Variants in NCOA2 observed in about 807,000 individuals in gnomAD.
NCOA2 encodes class E basic helix-loop-helix protein 75.
In NCOA2, 21 loss-of-function variants were observed where a neutral mutation model predicts 145.1. The ratio of observed to expected loss-of-function variants is 0.14; its 90% CI spans 0.10 to 0.21. The LOEUF (loss-of-function observed/expected upper bound fraction) is 0.21, where lower values mean the gene tolerates loss of function less well. NCOA2 is among the 10% of genes least tolerant of loss of function. The pLI, the probability that NCOA2 is intolerant of heterozygous loss-of-function variation, is 1.00. For missense variants in NCOA2, 1,472 were observed against 1,837.6 expected, an observed-to-expected ratio of 0.80 and a Z score of 3.64; for synonymous variants, 619 against 637.5, an observed-to-expected ratio of 0.97 and a Z score of 0.44.
intron 4 of NCOA2, among the ~76,000 whole-genome samples, chr8:70,199,113 GA>G (rs535950308): frequency 1.3e-5 from 2 of 151,884 alleles, no homozygotes; most frequent in African/African-American, 4.8e-5. Flanking sequence ...TTTAGATGAG[GA>G]AAAAAAGCCA....
At chr8:70,378,906 C>A (rs754909203) in intron 1 of NCOA2, among the ~76,000 whole-genome samples, 1 of 152,094 alleles carries the variant, frequency 6.6e-6, no homozygotes, top group Non-Finnish European at 1.5e-5. Flanking sequence ...AGCAACAGAA[C>A]CAAATCGCAG....
the NCOA2 span, among the ~76,000 whole-genome samples, chr8:70,434,590 A>T: frequency 6.6e-6 from 1 of 152,072 alleles, no homozygotes; most frequent in Non-Finnish European, 1.5e-5. Context: ...TTTTTTGGAA[A>T]CAGGGTCTTG....
At position 70,207,217 on chromosome 8, in the gene NCOA2, T is replaced by A. The variant is rs143586092; in HGVS notation, c.259+6686A>T. Among the ~76,000 whole-genome samples, 21 of 152,360 alleles carry A rather than the reference T, an allele frequency of 1.4e-4. No homozygotes were observed. In the East Asian group the frequency reaches 4.0e-3, roughly 29 times the overall value. The stretch of plus-strand genomic sequence containing the variant: ...TTAGTGTCATACATTAATGACAGAA[T>A]TAATTTCTTTTCATACAAGTACAAG... On this transcript the variant is annotated intron_variant, in intron 4 of 22. Transcript: ENST00000452400.
At chr8:70,207,884 A>AAAG (rs1197268154) in intron 4 of NCOA2, among the ~76,000 whole-genome samples, 3,042 of 143,390 alleles carry the variant, frequency 0.021, 87 homozygotes, top group East Asian at 0.057. Flanking sequence ...AAAAAAAAAA[A>AAAG]AAGAAGAAGA....
intron 13 of NCOA2, among the ~76,000 whole-genome samples, chr8:70,142,277 T>C (rs771526095): frequency 1.3e-5 from 2 of 152,258 alleles, no homozygotes; most frequent in Non-Finnish European, 2.9e-5. Flanking sequence ...GCTTTCATTT[T>C]CTTTAATTAC....
intron 1 of NCOA2, among the ~76,000 whole-genome samples, chr8:70,368,980 C>T (rs1586615166): frequency 6.6e-6 from 1 of 152,032 alleles, no homozygotes; most frequent in Non-Finnish European, 1.5e-5. Context: ...TAAATGTTTT[C>T]CAAAAATAAC....
At chr8:70,208,574 G>T (rs1390946481) in intron 4 of NCOA2, among the ~76,000 whole-genome samples, 2 of 152,210 alleles carry the variant, frequency 1.3e-5, no homozygotes, top group African/African-American at 4.8e-5. Context: ...TTCGAAGCTT[G>T]AAAGGACAAA....
intron 4 of NCOA2, among the ~76,000 whole-genome samples, chr8:70,207,543 G>A (rs1818568800): frequency 6.6e-6 from 1 of 152,186 alleles, no homozygotes; most frequent in Non-Finnish European, 1.5e-5. Context: ...ATGTAGTTCA[G>A]TGGAAAAATA....
chr8:70,335,659 T>A (rs1807521696), intron 1 of NCOA2, among the ~76,000 whole-genome samples: 1 of 152,234 alleles, frequency 6.6e-6, no homozygotes. Flanking sequence ...TGAATTTGAC[T>A]ACTCTAGGTA....
intron 4 of NCOA2, among the ~76,000 whole-genome samples, chr8:70,210,832 T>C (rs1322509158): frequency 5.9e-5 from 9 of 152,212 alleles, no homozygotes; most frequent in African/African-American, 1.7e-4. Context: ...CCAGTTTAAC[T>C]TCTCTAGGAT....
At chr8:70,128,546 A>T in intron 17 of NCOA2, 36 bp from the exon 18 acceptor site, 5 of 1,600,272 alleles carry the variant, frequency 3.1e-6, no homozygotes, top group Non-Finnish European at 4.3e-6. Context: ...ACATTTTAAG[A>T]ACAGAATACA....
At position 70,331,641 on chromosome 8, in the gene NCOA2, C is replaced by T. The variant is rs748383809; in HGVS notation, c.-76-34841G>A. ...TTTTTTTCTGGCATTAAACTGCATA[C>T]GACCAGAGAAATCAAAGTAAAAGTC... On this transcript the variant is annotated intron_variant, in intron 1 of 22. Coordinates refer to ENST00000452400, the MANE Select transcript of NCOA2 (RefSeq NM_006540.4). 2.9e-4 allele frequency among the ~76,000 whole-genome samples: 44 copies of T among 151,944 alleles called. 2 individuals are homozygous for T. Among genetic ancestry groups the T allele is most frequent in the Admixed American group, 2.5e-3 (38 of 15,274 alleles).
Position 70,156,169 on chromosome 8 carries a change from T to C in NCOA2, c.2196A>G (p.Gln732=), listed in dbSNP as rs1208764857. ...CTTTCTTCTTGGGGCTCACCGGCTCTTGTTTAATAGTCACTTCTGATCCAG... is the reference window on the plus strand; with the variant it reads ...CTTTCTTCTTGGGGCTCACCGGCTCCTGTTTAATAGTCACTTCTGATCCAG... ...TAPGSEVTIK[Q]EPVSPKKKEN... is the part of the protein sequence containing the mutation. The change falls in exon 11 of 23, where the codon CAA becomes CAG. Residue 732 remains glutamine (Q), a synonymous_variant. Coordinates refer to ENST00000452400, the MANE Select transcript of NCOA2 (RefSeq NM_006540.4). The C allele has an allele frequency of 2.5e-6, 4 of 1,613,784 alleles. No homozygotes were observed. The African/African-American group carries it at 5.3e-5, about 22-fold the overall frequency.
chr8:70,269,610 T>C (rs1050844926), intron 2 of NCOA2, among the ~76,000 whole-genome samples: 2 of 152,254 alleles, frequency 1.3e-5, no homozygotes. Flanking sequence ...AGCTAATAAA[T>C]ACAGGAAGAA....
chr8:70,160,254 C>A (rs1390207024), intron 9 of NCOA2, among the ~76,000 whole-genome samples: 2 of 151,956 alleles, frequency 1.3e-5, no homozygotes, highest in African/African-American at 4.8e-5. Context: ...TCAGAAGAAT[C>A]TATTCAGAGA....
chr8:70,351,773 T>TTTA (rs1189644377), intron 1 of NCOA2, among the ~76,000 whole-genome samples: 1 of 147,716 alleles, frequency 6.8e-6, no homozygotes, highest in Non-Finnish European at 1.5e-5. Context: ...TTTTTTTTTT[T>TTTA]AAGTAGAGAT....
In NCOA2 at chr8:70,128,448, A is replaced by G. The variant is rs2228592; in HGVS notation, c.3666T>C (p.Pro1222=). The G allele has an allele frequency of 2.2e-3, 3,535 of 1,612,312 alleles. 83 individuals are homozygous for G. In the African/African-American group the frequency reaches 0.042, roughly 19 times the overall value. The change falls in exon 18 of 23, where the codon CCT becomes CCC. Residue 1222 remains proline (P), a synonymous_variant. Transcript: ENST00000452400. The part of the protein sequence containing the change: ...NVSNVNLTLR[P]GVPTQAPINA... ...GTTGCCTTACCTGTGTTGGTACTCC[A>G]GGCCTCAGAGTCAAGTTCACATTGG...
chr8:70,333,690 A>G (rs1807302556), intron 1 of NCOA2, among the ~76,000 whole-genome samples: 1 of 152,194 alleles, frequency 6.6e-6, no homozygotes, highest in Admixed American at 6.5e-5. Context: ...GGTGACCACT[A>G]CCTGCACTTG....
intron 2 of NCOA2, among the ~76,000 whole-genome samples, chr8:70,225,784 G>A (rs993160897): frequency 5.9e-5 from 9 of 152,098 alleles, no homozygotes; most frequent in African/African-American, 1.7e-4. Flanking sequence ...GCGGTACAAT[G>A]TTGTGGCCTA....
Sources: gnomAD v4.1 joint callset for allele counts (sites outside exome capture counted in the v4.1 genomes callset) on GRCh38, gnomAD v4.1.1 for gene constraint, MANE v1.5 for transcripts, NCBI Gene and HGNC (gene_info 2026-07-23, HGNC 2026-07-21) for gene names.